Variants in SLC6A6 observed in about 807,000 individuals in gnomAD.
The protein encoded by SLC6A6 is solute carrier family 6 member 6.
A neutral mutation model predicts 68.8 loss-of-function variants in SLC6A6; 16 were observed. That is an observed-to-expected ratio of 0.23 (90% CI 0.16 to 0.35). The LOEUF is 0.35. Among genes scored for constraint, SLC6A6 ranks in the 10% least tolerant of loss-of-function variants. The pLI, the probability that SLC6A6 is intolerant of heterozygous loss-of-function variation, is 1.00. For synonymous variants in SLC6A6, 312 were observed against 315.4 expected (o/e 0.99, Z 0.12); for missense variants, 474 against 802.8 (o/e 0.59, Z 4.95).
chr3:14,436,552 T>TGGTGC (rs1362771966), intron 2 of SLC6A6, among the ~76,000 whole-genome samples: 2 of 23,610 alleles, frequency 8.5e-5, no homozygotes, highest in Admixed American at 3.9e-4. Flanking sequence ...TTTTTTTTTT[T>TGGTGC]TTTTTTTTTT....
chr3:14,403,376 GC>G (rs1699032761), intron 1 of SLC6A6, among the ~76,000 whole-genome samples: 1 of 152,096 alleles, frequency 6.6e-6, no homozygotes, highest in Admixed American at 6.5e-5. Flanking sequence ...TGTGTGGGGG[GC>G]TGCGTCTTCC....
rs368273326 is a variant in SLC6A6 at position 14,484,921 on chromosome 3, G to A, written c.1777G>A (p.Glu593Lys). ...REPNRWAVER[E>K]GATPYNSRTV... ...ACCCAACCGCTGGGCTGTGGAGCGCGAGGGAGCCACACCTTACAACTCTCG... is the reference window on the plus strand; with the variant it reads ...ACCCAACCGCTGGGCTGTGGAGCGCAAGGGAGCCACACCTTACAACTCTCG... Residue 593 changes from glutamate to lysine, a missense_variant, in exon 15 of 15, where the codon GAG (glutamate) becomes AAG (lysine). Physicochemically the swap from Glu to Lys is moderately conservative, Grantham distance 56. This residue lies in a region of SLC6A6 where 194 missense variants were observed against 269.8 expected (regional missense o/e 0.72). Coordinates refer to ENST00000622186, the MANE Select transcript of SLC6A6 (RefSeq NM_003043.6). The A allele has an allele frequency of 6.2e-5, 100 of 1,612,340 alleles. No homozygotes were observed. Among genetic ancestry groups the A allele is most frequent in the Non-Finnish European group, 8.0e-5 (94 of 1,179,944 alleles).
At chr3:14,459,966 C>T (rs1700460061) in intron 6 of SLC6A6, among the ~76,000 whole-genome samples, 1 of 145,200 alleles carries the variant, frequency 6.9e-6, no homozygotes, top group Non-Finnish European at 1.5e-5. Context: ...GGCTTGATCT[C>T]AGCTCACTTT....
rs1472117772 is a variant in SLC6A6, at chr3:14,485,492, C to T, written c.*485C>T. ...AGGATGGAATTTTCCTGGGACTCTA[C>T]ACCCATCTTAAGGTGGTATACCTTC... On this transcript the variant is annotated 3_prime_UTR_variant, in exon 15 of 15. Transcript: ENST00000622186. 1.3e-5 allele frequency: 2 copies of T among 153,638 alleles called. No homozygotes were observed. The highest frequency in any genetic ancestry group is 2.9e-5 in the Non-Finnish European group (2 of 68,778). 9.5% of individuals were successfully genotyped at this position (153,638 alleles called of 1,614,324 possible).
intron 10 of SLC6A6, among the ~76,000 whole-genome samples, chr3:14,474,951 C>G (rs775482713): frequency 2.0e-5 from 3 of 152,218 alleles, no homozygotes; most frequent in African/African-American, 4.8e-5. Context: ...TACTGCTGCG[C>G]CTTTCTTGGT....
rs1701167871 is a variant in SLC6A6, at chr3:14,486,465, A to G, written c.*1458A>G. ...AAGAGAAGGCCTAGGAGAGTTTTCT[A>G]GAAGGTTGGGATTGTCAGGGTCCTG... is the stretch of plus-strand genomic sequence containing the variant. On this transcript the variant is annotated 3_prime_UTR_variant, in exon 15 of 15. Transcript: ENST00000622186. 6.6e-6 allele frequency: 1 copy of G among 152,652 alleles called. No individual in the cohort carries two copies. The highest frequency in any genetic ancestry group is 2.1e-4 in the South Asian group (1 of 4,830). 9.5% of individuals were successfully genotyped at this position (152,652 alleles called of 1,614,324 possible). A position where few individuals can be genotyped will look rare whatever the true frequency, so the allele number is the denominator to read the frequency against.
chr3:14,455,933 T>G (rs1443617776), intron 5 of SLC6A6, among the ~76,000 whole-genome samples: 3 of 152,144 alleles, frequency 2.0e-5, no homozygotes, highest in Non-Finnish European at 4.4e-5. Flanking sequence ...TAAATCAGCA[T>G]ATAGCAGAGG....
chr3:14,413,691 G>A (rs1553567264), intron 1 of SLC6A6, among the ~76,000 whole-genome samples: 2 of 152,016 alleles, frequency 1.3e-5, no homozygotes, highest in African/African-American at 2.4e-5. Context: ...CTCTCTGGCT[G>A]TGTGCCTGGG....
intron 10 of SLC6A6, among the ~76,000 whole-genome samples, chr3:14,473,850 A>G (rs1375412225): frequency 6.6e-6 from 1 of 152,256 alleles, no homozygotes; most frequent in Non-Finnish European, 1.5e-5. Flanking sequence ...ACAGAGGTTA[A>G]TAAATGACAA....
At position 14,483,119 on chromosome 3, in the gene SLC6A6, T is replaced by C. The variant is rs760745491; in HGVS notation, c.1722+1278T>C. 3.2e-4 allele frequency among the ~76,000 whole-genome samples: 48 copies of C among 152,204 alleles called. 1 individual carries two copies. The highest frequency in any genetic ancestry group is 1.3e-4 in the Admixed American group (2 of 15,292). Reference sequence around the variant, plus strand: ...CACCCAACAGGTCACTAACTTGGTGTCCTTCAAAGCCTCATTTTAAAATAT... The same window carrying C: ...CACCCAACAGGTCACTAACTTGGTGCCCTTCAAAGCCTCATTTTAAAATAT... On this transcript the variant is annotated intron_variant, in intron 14 of 14. Coordinates refer to ENST00000622186, the MANE Select transcript of SLC6A6 (RefSeq NM_003043.6).
Position 14,450,262 on chromosome 3 carries a change from C to A in SLC6A6, c.599+2446C>A, listed in dbSNP as rs1343890963. 6.6e-6 allele frequency among the ~76,000 whole-genome samples: 1 copy of A among 152,086 alleles called. No homozygotes were observed. The highest frequency in any genetic ancestry group is 2.4e-5 in the African/African-American group (1 of 41,392). ...TGAGGTCCTCAGGTTGGCCAGTCCT[C>A]ACTCACACCTTCCAGAGGGACCGGG... On this transcript the variant is annotated intron_variant, in intron 5 of 14. Transcript: ENST00000622186. The surrounding 1 kb of genome is among the most constrained non-coding windows in gnomAD (Gnocchi z 4.1).
Position 14,417,307 on chromosome 3 carries a change from C to G in SLC6A6, c.-12+854C>G, listed in dbSNP as rs542484876. Among the ~76,000 whole-genome samples the G allele has an allele frequency of 9.2e-5, 14 of 152,326 alleles. No individual in the cohort carries two copies. The East Asian group carries it at 2.5e-3, about 27-fold the overall frequency. ...TCCCATGGGTAACATTTGCCACATT[C>G]GCTTCATCTCTTTCTCACTAATATG... On this transcript the variant is annotated intron_variant, in intron 2 of 14. Transcript: ENST00000622186.
At chr3:14,432,478 C>G (rs569832464) in intron 2 of SLC6A6, among the ~76,000 whole-genome samples, 1 of 152,222 alleles carries the variant, frequency 6.6e-6, no homozygotes, top group Non-Finnish European at 1.5e-5. Context: ...CTCCAGGGGC[C>G]CCTACAGCAG....
chr3:14,465,050 G>A (rs969597059), intron 6 of SLC6A6, among the ~76,000 whole-genome samples: 1 of 152,174 alleles, frequency 6.6e-6, no homozygotes, highest in Non-Finnish European at 1.5e-5. Flanking sequence ...CGTCCTGGGG[G>A]GCATGGTGAG....
At chr3:14,412,980 T>C (rs1460484889) in intron 1 of SLC6A6, among the ~76,000 whole-genome samples, 2 of 152,230 alleles carry the variant, frequency 1.3e-5, no homozygotes, top group African/African-American at 4.8e-5. Context: ...AGCCTTTCAC[T>C]ACTGAACAGT....
chr3:14,484,796 C>G, intron 14 of SLC6A6, 71 bp from the exon 15 acceptor site: 1 of 1,516,856 alleles, frequency 6.6e-7, no homozygotes, highest in Non-Finnish European at 9.1e-7. Context: ...CAGGAGGAGG[C>G]AGATGGCCCT....
Position 14,477,593 on chromosome 3 carries a change from C to T in SLC6A6, c.1347+251C>T, listed in dbSNP as rs1700908721. Among the ~76,000 whole-genome samples, 1 of 152,224 alleles carries T rather than the reference C, an allele frequency of 6.6e-6. No individual in the cohort carries two copies. On this transcript the variant is annotated intron_variant, in intron 11 of 14. Coordinates refer to ENST00000622186, the MANE Select transcript of SLC6A6 (RefSeq NM_003043.6). This position sits in a 1 kb window ranked among gnomAD's most constrained non-coding sequence, Gnocchi z 4.2. ...CTGTGACCACCCGCTGCCCTCTGTC[C>T]TGGGAAGAGGATCTTCAGCTGAAAT...
chr3:14,414,424 A>G (rs1016446700), intron 1 of SLC6A6, among the ~76,000 whole-genome samples: 3 of 152,152 alleles, frequency 2.0e-5, no homozygotes, highest in African/African-American at 7.2e-5. Context: ...TTGGGCTGAG[A>G]GCAGGCCTAT....
intron 1 of SLC6A6, among the ~76,000 whole-genome samples, chr3:14,413,749 A>G (rs1339874518): frequency 6.6e-6 from 1 of 152,084 alleles, no homozygotes; most frequent in Non-Finnish European, 1.5e-5. Flanking sequence ...CTTGCCCGTG[A>G]TAACTAGAGT....
Sources: gnomAD v4.1 joint callset for allele counts (sites outside exome capture counted in the v4.1 genomes callset) on GRCh38, gnomAD v4.1.1 for gene constraint, gnomAD v4.1.1 regional missense constraint, Gnocchi (gnomAD v3.1) non-coding constraint, MANE v1.5 for transcripts, NCBI Gene and HGNC (gene_info 2026-07-23, HGNC 2026-07-21) for gene names.